Variants in CSTF1 observed in about 807,000 individuals in gnomAD.
CSTF1 encodes CF-1 50 kDa subunit.
A neutral mutation model predicts 40.9 loss-of-function variants in CSTF1; 2 were observed. The ratio of observed to expected loss-of-function variants is 0.05; its 90% CI spans 0.02 to 0.15. The LOEUF (loss-of-function observed/expected upper bound fraction) is 0.15. Ranked by LOEUF, CSTF1 falls within the 10% of genes least tolerant of loss-of-function variation. The pLI is 1.00. For synonymous variants in CSTF1, 218 were observed against 207.2 expected, an observed-to-expected ratio of 1.05 and a Z score of -0.45; for missense variants, 279 against 558.9, an observed-to-expected ratio of 0.50 and a Z score of 5.05.
In CSTF1 at chr20:56,404,830, T is replaced by C. The variant is rs1978637707; in HGVS notation, c.*1103T>C. On this transcript the variant is annotated 3_prime_UTR_variant, in exon 6 of 6. Coordinates refer to ENST00000217109, the MANE Select transcript of CSTF1 (RefSeq NM_001324.3). ...CCGGCTAATTTTTTTTTTTTTTTTT[T>C]TTTTTTTTGTATTTTTAGTAGAGCC... 1 of 130,280 alleles carries C rather than the reference T, an allele frequency of 7.7e-6. No individual in the cohort carries two copies. Among genetic ancestry groups the C allele is most frequent in the South Asian group, 2.4e-4 (1 of 4,092 alleles). The allele number at this position is 130,280 out of a possible 1,614,324, so 8.1% of individuals were successfully genotyped here.
Position 56,399,214 on chromosome 20 carries a change from C to G in CSTF1, c.893C>G (p.Thr298Arg). Residue 298 changes from threonine (T) to arginine (R), a missense_variant, in exon 5 of 6, where the codon ACA becomes AGA. Physicochemically the swap from Thr to Arg is moderately conservative, Grantham distance 71. Coordinates refer to ENST00000217109, the MANE Select transcript of CSTF1 (RefSeq NM_001324.3). This position sits in a 1 kb window ranked among gnomAD's most constrained non-coding sequence, Gnocchi z 4.6. ...GATGGTGTTTCAAATCGATGCATCA[C>G]AACTTTTGAGAAAGCACATGACGGT... The part of the protein sequence containing the change: ...LWDGVSNRCI[T>R]TFEKAHDGAE... 2 of 1,614,186 alleles carry G rather than the reference C, an allele frequency of 1.2e-6. No homozygotes were observed. The highest frequency in any genetic ancestry group is 1.1e-5 in the South Asian group (1 of 91,086).
chr20:56,406,222 G>C lies in CSTF1; in HGVS notation c.*2495G>C, dbSNP rs1978698156. ...ATGCCAGGAATATTATATGGACTTAGTATCTGCATCTCGTTAATTGTACCA... is the reference window on the plus strand; with the variant it reads ...ATGCCAGGAATATTATATGGACTTACTATCTGCATCTCGTTAATTGTACCA... On this transcript the variant is annotated 3_prime_UTR_variant, in exon 6 of 6. Transcript: ENST00000217109. 6.6e-6 allele frequency: 1 copy of C among 151,754 alleles called. No homozygotes were observed. The highest frequency in any genetic ancestry group is 2.4e-5 in the African/African-American group (1 of 41,300). 9.4% of individuals were successfully genotyped at this position (151,754 alleles called of 1,614,324 possible).
chr20:56,394,057 A>G (rs1042479153), intron 1 of CSTF1, among the ~76,000 whole-genome samples: 4 of 152,172 alleles, frequency 2.6e-5, no homozygotes, highest in Admixed American at 1.3e-4. Context: ...TACGTTGAGT[A>G]GGTGTCCTGA....
chr20:56,402,429 T>A (rs374070456), intron 5 of CSTF1, among the ~76,000 whole-genome samples: 2 of 152,230 alleles, frequency 1.3e-5, no homozygotes, highest in South Asian at 4.1e-4. Context: ...AGTTTTTATT[T>A]TCCTTTTTAT....
In CSTF1 at chr20:56,399,552, C is replaced by T. The variant is rs1978363868; in HGVS notation, c.1036+195C>T. Among the ~76,000 whole-genome samples, 3 of 152,194 alleles carry T rather than the reference C, an allele frequency of 2.0e-5. No individual in the cohort carries two copies. On this transcript the variant is annotated intron_variant, in intron 5 of 5. Coordinates refer to ENST00000217109, the MANE Select transcript of CSTF1 (RefSeq NM_001324.3). This position sits in a 1 kb window ranked among gnomAD's most constrained non-coding sequence, Gnocchi z 4.6. The stretch of plus-strand genomic sequence containing the variant: ...AAGGCTACACGACTTGGAAATAGAA[C>T]GGTGCTTTCTTTGCTCTTCTGAGCA...
intron 1 of CSTF1, among the ~76,000 whole-genome samples, chr20:56,393,610 G>A (rs2146239318): frequency 7.7e-6 from 1 of 129,356 alleles, no homozygotes; most frequent in Admixed American, 9.6e-5. Context: ...AGCCTACATG[G>A]CATCCTGAGC....
In CSTF1 at chr20:56,403,953, CA is replaced by C. The variant is rs1978591086; in HGVS notation, c.*227del. ...GCAGTTCTACATTCACTGATTATTA[CA>C]GTGTGATTTTCATCGGTTTTGTAAG... On this transcript the variant is annotated 3_prime_UTR_variant, in exon 6 of 6. Coordinates refer to ENST00000217109, the MANE Select transcript of CSTF1 (RefSeq NM_001324.3). The C allele has an allele frequency of 6.1e-6, 3 of 489,792 alleles. No individual in the cohort carries two copies. The highest frequency in any genetic ancestry group is 5.7e-5 in the African/African-American group (3 of 52,624). The allele number at this position is 489,792 out of a possible 1,614,324, so 30.3% of individuals were successfully genotyped here. A position where few individuals can be genotyped will look rare whatever the true frequency, so the allele number is the denominator to read the frequency against.
At chr20:56,400,430 TA>T (rs1978400958) in intron 5 of CSTF1, among the ~76,000 whole-genome samples, 1 of 152,172 alleles carries the variant, frequency 6.6e-6, no homozygotes, top group South Asian at 2.1e-4. Flanking sequence ...AAAAAGAAGA[TA>T]AAAAAGTGAT....
intron 4 of CSTF1, 137 bp from the exon 5 acceptor site, chr20:56,398,830 T>C: frequency 5.1e-6 from 4 of 786,550 alleles, no homozygotes; most frequent in Non-Finnish European, 7.7e-6. Flanking sequence ...CAGAAAGCAC[T>C]TTTTTTCTTA....
chr20:56,399,587 G>A lies in CSTF1; in HGVS notation c.1036+230G>A, dbSNP rs989633017. 1.3e-5 allele frequency among the ~76,000 whole-genome samples: 2 copies of A among 152,202 alleles called. No homozygotes were observed. The highest frequency in any genetic ancestry group is 4.8e-5 in the African/African-American group (2 of 41,452). On this transcript the variant is annotated intron_variant, in intron 5 of 5. Transcript: ENST00000217109. This position sits in a 1 kb window ranked among gnomAD's most constrained non-coding sequence, Gnocchi z 4.6. ...TTTGCTCTTCTGAGCACCTCACACC[G>A]TGGACTAGGGCTGGATTCCATGCAA...
At chr20:56,395,964 C>T (rs1356698746) in intron 2 of CSTF1, 3 of 407,906 alleles carry the variant, frequency 7.4e-6, no homozygotes, top group African/African-American at 6.1e-5. Context: ...TTATCTGGAA[C>T]ACTCTGTCAG....
chr20:56,396,390 A>G (rs1474740764), intron 2 of CSTF1, among the ~76,000 whole-genome samples: 3 of 152,254 alleles, frequency 2.0e-5, no homozygotes, highest in African/African-American at 4.8e-5. Flanking sequence ...TGCCAACAAC[A>G]TGGAATTAGC....
chr20:56,403,982 C>G lies in CSTF1; in HGVS notation c.*255C>G. ...GTGATTTTCATCGGTTTTGTAAGTA[C>G]AGGACTTGCCGTTTCTTTTGATCTC... On this transcript the variant is annotated 3_prime_UTR_variant, in exon 6 of 6. Transcript: ENST00000217109. 2.5e-6 allele frequency: 1 copy of G among 404,582 alleles called. No individual in the cohort carries two copies. The highest frequency in any genetic ancestry group is 4.5e-6 in the Non-Finnish European group (1 of 224,706). The allele number at this position is 404,582 out of a possible 1,614,324, so 25.1% of individuals were successfully genotyped here.
In CSTF1 at chr20:56,403,610, G is replaced by A. The variant is rs531158050; in HGVS notation, c.1179G>A (p.Ser393=). ...CAGCCGAGCGGAGAAACCTGCTGTC[G>A]TTGGGGCACAACAATATTGTACGCT... ...SRTAERRNLL[S]LGHNNIVRCI... is the part of the protein sequence containing the mutation. The change falls in exon 6 of 6, where the codon TCG becomes TCA. Residue 393 remains serine (S), a synonymous_variant. Coordinates refer to ENST00000217109, the MANE Select transcript of CSTF1 (RefSeq NM_001324.3). The A allele has an allele frequency of 3.0e-5, 49 of 1,614,112 alleles. No individual in the cohort carries two copies. The highest frequency in any genetic ancestry group is 2.9e-4 in the East Asian group (13 of 44,876).
At chr20:56,393,424 T>G (rs1987380547) in intron 1 of CSTF1, among the ~76,000 whole-genome samples, 1 of 152,114 alleles carries the variant, frequency 6.6e-6, no homozygotes, top group Non-Finnish European at 1.5e-5. Flanking sequence ...CAGTAGAATC[T>G]CTCATCAACT....
At chr20:56,402,176 A>G (rs1978482613) in intron 5 of CSTF1, among the ~76,000 whole-genome samples, 1 of 152,072 alleles carries the variant, frequency 6.6e-6, no homozygotes, top group South Asian at 2.1e-4. Flanking sequence ...GTGTGGTGGC[A>G]CATGCCTGTA....
intron 1 of CSTF1, among the ~76,000 whole-genome samples, chr20:56,393,131 TACAC>T (rs1267606855): frequency 7.4e-6 from 1 of 135,804 alleles, no homozygotes; most frequent in Non-Finnish European, 1.5e-5. Flanking sequence ...TATATATATA[TACAC>T]ACACACACAC....
At position 56,403,777 on chromosome 20, in the gene CSTF1, AC is replaced by A; in HGVS notation, c.*51del. On this transcript the variant is annotated 3_prime_UTR_variant, in exon 6 of 6. Coordinates refer to ENST00000217109, the MANE Select transcript of CSTF1 (RefSeq NM_001324.3). ...CTCGAGGACTCTACCCTCCTCCCCC[AC>A]GTCCTGTCTCAGCTGCAGTCGTAAG... 2 of 1,554,844 alleles carry A rather than the reference AC, an allele frequency of 1.3e-6. No homozygotes were observed. Among genetic ancestry groups the A allele is most frequent in the Non-Finnish European group, 1.8e-6 (2 of 1,142,472 alleles).
chr20:56,403,429 G>A (rs748140012), intron 5 of CSTF1, 39 bp from the exon 6 acceptor site: 1 of 1,610,044 alleles, frequency 6.2e-7, no homozygotes, highest in South Asian at 1.1e-5. Context: ...GGTCTAAGAT[G>A]TGGACTTAGA....
Sources: gnomAD v4.1 joint callset for allele counts (sites outside exome capture counted in the v4.1 genomes callset) on GRCh38, gnomAD v4.1.1 for gene constraint, Gnocchi (gnomAD v3.1) non-coding constraint, MANE v1.5 for transcripts, NCBI Gene and HGNC (gene_info 2026-07-23, HGNC 2026-07-21) for gene names.